ZBTB44: variants seen among roughly 807,000 people sequenced by gnomAD.
ZBTB44 encodes the protein zinc finger and BTB domain containing 44.
A neutral mutation model predicts 54.0 loss-of-function variants in ZBTB44; 15 were observed. The ratio of observed to expected loss-of-function variants is 0.28; its 90% CI spans 0.19 to 0.43. The LOEUF is 0.43. Ranked by LOEUF, ZBTB44 falls within the 20% of genes least tolerant of loss-of-function variation. ZBTB44 has a pLI of 1.00. For synonymous variants in ZBTB44, 230 were observed against 250.1 expected (o/e 0.92, Z 0.76); for missense variants, 487 against 707.1 (o/e 0.69, Z 3.53).
intron 2 of ZBTB44, among the ~76,000 whole-genome samples, chr11:130,258,706 G>A (rs1408718450): frequency 6.6e-6 from 1 of 152,168 alleles, no homozygotes; most frequent in Non-Finnish European, 1.5e-5. Context: ...GTTTTTTAGG[G>A]ATTTCTGAGA....
Position 130,261,024 on chromosome 11 carries a change from C to T in ZBTB44, c.850G>A (p.Glu284Lys), listed in dbSNP as rs377666987. 5.3e-5 allele frequency: 86 copies of T among 1,613,838 alleles called. No homozygotes were observed. The highest frequency in any genetic ancestry group is 6.7e-5 in the Non-Finnish European group (79 of 1,179,890). Reference protein sequence around the residue: ...STKTTLPLGTEEDVRVKVERL... With the variant: ...STKTTLPLGTKEDVRVKVERL... ...TCTACTTTGACCCGGACATCTTCTT[C>T]GGTACCTAAAGGCAAGGTAGTTTTT... The change falls in exon 2 of 8, where the codon GAA becomes AAA. Residue 284 changes from glutamate to lysine, a missense_variant. Physicochemically the swap from Glu to Lys is moderately conservative, Grantham distance 56. Around this residue, in one of 3 missense-constraint regions of ZBTB44, gnomAD observed 277 missense variants for 306.5 expected, o/e 0.90. Coordinates refer to ENST00000357899, the MANE Select transcript of ZBTB44 (RefSeq NM_001301098.2). This position sits in a 1 kb window ranked among gnomAD's most constrained non-coding sequence, Gnocchi z 4.8.
chr11:130,313,907 G>GGTGTGTGT (rs59629267), intron 1 of ZBTB44, among the ~76,000 whole-genome samples: 29 of 149,250 alleles, frequency 1.9e-4, no homozygotes, highest in African/African-American at 4.9e-4. Context: ...AAGGAAAAGA[G>GGTGTGTGT]GTGTGTGTGT....
At chr11:130,264,694 A>ATGTG (rs1939124624) in intron 1 of ZBTB44, among the ~76,000 whole-genome samples, 2 of 152,340 alleles carry the variant, frequency 1.3e-5, no homozygotes, top group Non-Finnish European at 2.9e-5. Context: ...TGCATTTCCC[A>ATGTG]ATATGTCTGC....
chr11:130,312,950 A>C (rs1301604891), intron 1 of ZBTB44, among the ~76,000 whole-genome samples: 1 of 152,232 alleles, frequency 6.6e-6, no homozygotes, highest in Non-Finnish European at 1.5e-5. Context: ...ACAGAGAAAG[A>C]CAGGAAACAA....
At chr11:130,236,197 A>C (rs1954099882) in intron 5 of ZBTB44, 7 of 1,286,544 alleles carry the variant, frequency 5.4e-6, no homozygotes, top group Non-Finnish European at 7.1e-6. Context: ...TAGATCTAGA[A>C]GCTGATTTCC....
intron 1 of ZBTB44, among the ~76,000 whole-genome samples, chr11:130,312,856 G>C (rs1192616725): frequency 1.3e-5 from 2 of 152,184 alleles, no homozygotes; most frequent in Admixed American, 1.3e-4. Flanking sequence ...GTTAGTAGGA[G>C]AATGTCCCTA....
intron 1 of ZBTB44, among the ~76,000 whole-genome samples, chr11:130,294,615 TATA>T (rs994441609): frequency 2.6e-5 from 4 of 151,432 alleles, no homozygotes; most frequent in African/African-American, 7.3e-5. Context: ...TGTTGTTGTT[TATA>T]ATAATTTAAC....
intron 1 of ZBTB44, among the ~76,000 whole-genome samples, chr11:130,272,057 C>G (rs1939710504): frequency 6.6e-6 from 1 of 152,038 alleles, no homozygotes; most frequent in South Asian, 2.1e-4. Flanking sequence ...TGGTGAAGCC[C>G]GAACTCTACT....
chr11:130,303,310 C>A (rs1451722674), intron 1 of ZBTB44, among the ~76,000 whole-genome samples: 1 of 152,050 alleles, frequency 6.6e-6, no homozygotes, highest in Admixed American at 6.6e-5. Context: ...CTATCAAAAC[C>A]AAATCAATAG....
intron 1 of ZBTB44, among the ~76,000 whole-genome samples, chr11:130,264,399 C>T (rs914596928): frequency 2.6e-5 from 4 of 152,070 alleles, no homozygotes; most frequent in African/African-American, 9.7e-5. Flanking sequence ...CAACTGCAGG[C>T]CTGTAGTAGG....
At chr11:130,285,845 C>G (rs529315797) in intron 1 of ZBTB44, 9 of 157,248 alleles carry the variant, frequency 5.7e-5, no homozygotes, top group African/African-American at 2.2e-4. Context: ...GCTGTCCACT[C>G]TGCTCTCAGA....
chr11:130,236,682 G>A, intron 5 of ZBTB44, 111 bp downstream of exon 5: 1 of 1,149,004 alleles, frequency 8.7e-7, no homozygotes, highest in Non-Finnish European at 1.1e-6. Context: ...CGTAACAAAT[G>A]TGACTGACTA....
intron 1 of ZBTB44, among the ~76,000 whole-genome samples, chr11:130,275,829 T>C (rs866388392): frequency 6.6e-6 from 1 of 152,096 alleles, no homozygotes; most frequent in Non-Finnish European, 1.5e-5. Flanking sequence ...GGTTTCACCA[T>C]GATGGCCAGG....
intron 2 of ZBTB44, 39 bp from the exon 3 acceptor site, chr11:130,239,935 T>G (rs1364398087): frequency 6.7e-7 from 1 of 1,486,660 alleles, no homozygotes. Context: ...AATCCTTTGG[T>G]GTGAATAAGC....
intron 2 of ZBTB44, among the ~76,000 whole-genome samples, chr11:130,240,145 C>A (rs1344167509): frequency 6.6e-6 from 1 of 151,674 alleles, no homozygotes; most frequent in African/African-American, 2.4e-5. Flanking sequence ...GGGTTTACGC[C>A]ATTCTCCTGC....
chr11:130,258,228 TATA>T (rs1938589867), intron 2 of ZBTB44, among the ~76,000 whole-genome samples: 1 of 152,244 alleles, frequency 6.6e-6, no homozygotes, highest in African/African-American at 2.4e-5. Flanking sequence ...ATCAATGGAA[TATA>T]ATAAAGTGTT....
At chr11:130,297,190 G>A (rs1460571179) in intron 1 of ZBTB44, among the ~76,000 whole-genome samples, 1 of 152,138 alleles carries the variant, frequency 6.6e-6, no homozygotes, top group Non-Finnish European at 1.5e-5. Flanking sequence ...TGCAAGCACT[G>A]AGCACTGTAA....
intron 4 of ZBTB44, 51 bp downstream of exon 4, chr11:130,238,389 AAAAT>A: frequency 6.8e-7 from 1 of 1,462,894 alleles, no homozygotes; most frequent in Non-Finnish European, 9.1e-7. Flanking sequence ...CTGGGACTGC[AAAAT>A]AAAATGTTTT....
intron 1 of ZBTB44, among the ~76,000 whole-genome samples, chr11:130,303,504 G>T (rs757107111): frequency 6.6e-6 from 1 of 152,012 alleles, no homozygotes; most frequent in Non-Finnish European, 1.5e-5. Context: ...GCGTGGTGGC[G>T]CATGCCTGTA....
Sources: gnomAD v4.1 joint callset for allele counts (sites outside exome capture counted in the v4.1 genomes callset) on GRCh38, gnomAD v4.1.1 for gene constraint, gnomAD v4.1.1 regional missense constraint, Gnocchi (gnomAD v3.1) non-coding constraint, MANE v1.5 for transcripts, NCBI Gene and HGNC (gene_info 2026-07-23, HGNC 2026-07-21) for gene names.